Variants in DNER observed in about 807,000 individuals in gnomAD.
The protein encoded by DNER is delta and Notch-like epidermal growth factor-related receptor.
In DNER, 33 loss-of-function variants were observed where a neutral mutation model predicts 78.2. The ratio of observed to expected loss-of-function variants is 0.42; its 90% CI spans 0.32 to 0.56. DNER has a LOEUF of 0.56. Among genes scored for constraint, DNER ranks in the 20% least tolerant of loss-of-function variants. The pLI is 0.11. For missense variants in DNER, 918 were observed against 975.3 expected, an observed-to-expected ratio of 0.94 and a Z score of 0.78; for synonymous variants, 417 against 384.8, an observed-to-expected ratio of 1.08 and a Z score of -0.98.
chr2:229,413,466 G>C (rs1238426214), intron 9 of DNER, among the ~76,000 whole-genome samples: 1 of 151,202 alleles, frequency 6.6e-6, no homozygotes, highest in African/African-American at 2.4e-5. Context: ...GGGACTACAG[G>C]CATGTGCCAC....
chr2:229,508,168 C>T (rs1038963637), intron 6 of DNER, among the ~76,000 whole-genome samples: 2 of 152,142 alleles, frequency 1.3e-5, no homozygotes, highest in Non-Finnish European at 2.9e-5. Flanking sequence ...TCTGACACTA[C>T]CAAATGCTGA....
At chr2:229,437,595 C>G (rs919406520) in intron 8 of DNER, among the ~76,000 whole-genome samples, 2 of 152,182 alleles carry the variant, frequency 1.3e-5, no homozygotes, top group African/African-American at 4.8e-5. Flanking sequence ...CAATATATCT[C>G]AAACATCACC....
chr2:229,456,534 A>G (rs189793033), intron 7 of DNER, among the ~76,000 whole-genome samples: 3 of 151,958 alleles, frequency 2.0e-5, no homozygotes, highest in Admixed American at 2.0e-4. Context: ...CCATCTCTCC[A>G]CTTCCCATGG....
At chr2:229,692,853 T>C (rs1308340771) in intron 1 of DNER, among the ~76,000 whole-genome samples, 1 of 151,936 alleles carries the variant, frequency 6.6e-6, no homozygotes, top group South Asian at 2.1e-4. Flanking sequence ...GATGAGCAGA[T>C]AGCTGTTATA....
intron 1 of DNER, among the ~76,000 whole-genome samples, chr2:229,618,787 T>A (rs1474642787): frequency 3.3e-5 from 5 of 152,202 alleles, no homozygotes; most frequent in Admixed American, 1.3e-4. Flanking sequence ...TATTCCTCTT[T>A]TTAAATTTCC....
At chr2:229,668,478 AGG>A (rs1699137911) in intron 1 of DNER, among the ~76,000 whole-genome samples, 1 of 142,414 alleles carries the variant, frequency 7.0e-6, no homozygotes, top group Non-Finnish European at 1.5e-5. Flanking sequence ...ACATATATAT[AGG>A]TAAGTATATA....
intron 10 of DNER, among the ~76,000 whole-genome samples, chr2:229,400,604 G>C (rs534456499): frequency 6.6e-6 from 1 of 152,036 alleles, no homozygotes; most frequent in South Asian, 2.1e-4. Flanking sequence ...AGAGGTAATA[G>C]GAGCCAACTG....
At chr2:229,631,106 ATG>A (rs1482560674) in intron 1 of DNER, among the ~76,000 whole-genome samples, 2 of 152,278 alleles carry the variant, frequency 1.3e-5, no homozygotes, top group African/African-American at 4.8e-5. Flanking sequence ...ACATGAGTAT[ATG>A]TGTCTTTTTG....
At chr2:229,369,617 C>T (rs1452528358) in intron 11 of DNER, among the ~76,000 whole-genome samples, 1 of 152,118 alleles carries the variant, frequency 6.6e-6, no homozygotes, top group Non-Finnish European at 1.5e-5. Flanking sequence ...CCCTAAGGCA[C>T]ATGCTCTGAG....
intron 11 of DNER, among the ~76,000 whole-genome samples, chr2:229,376,622 T>C (rs1414893641): frequency 6.6e-6 from 1 of 152,162 alleles, no homozygotes; most frequent in Non-Finnish European, 1.5e-5. Flanking sequence ...TTAAAAAGTG[T>C]CGTAGATCTG....
chr2:229,423,382 AGGCAGGT>A (rs1693806635), intron 8 of DNER, among the ~76,000 whole-genome samples: 1 of 152,098 alleles, frequency 6.6e-6, no homozygotes, highest in Non-Finnish European at 1.5e-5. Flanking sequence ...TGGGAGGCTG[AGGCAGGT>A]GGATCACTTG....
chr2:229,594,884 C>T (rs1697677906), intron 1 of DNER, among the ~76,000 whole-genome samples: 1 of 143,666 alleles, frequency 7.0e-6, no homozygotes, highest in Admixed American at 7.2e-5. Context: ...AATGGTAATA[C>T]TCAAGGAACA....
rs566859091 is a variant in DNER at position 229,430,646 on chromosome 2, CTA to C, written c.1487-12418_1487-12417del. Among the ~76,000 whole-genome samples, 4 of 151,102 alleles carry C rather than the reference CTA, an allele frequency of 2.6e-5. No individual in the cohort carries two copies. In the South Asian group the frequency reaches 8.4e-4, roughly 32 times the overall value. ...CTTTGCTCCTCAGCCTGCAGATGGC[CTA>C]TTATGTGACCTTGTGATCGTGTGAC... On this transcript the variant is annotated intron_variant, in intron 8 of 12. Transcript: ENST00000341772.
intron 9 of DNER, among the ~76,000 whole-genome samples, chr2:229,417,595 G>T (rs895454994): frequency 1.3e-5 from 2 of 152,042 alleles, no homozygotes; most frequent in Admixed American, 6.5e-5. Flanking sequence ...GGGGGATTTA[G>T]TGAGCTATGC....
intron 1 of DNER, among the ~76,000 whole-genome samples, chr2:229,614,419 C>T (rs533870578): frequency 6.6e-6 from 1 of 152,274 alleles, no homozygotes; most frequent in African/African-American, 2.4e-5. Flanking sequence ...GTTCGTTTCT[C>T]AAGTCACCCA....
intron 7 of DNER, among the ~76,000 whole-genome samples, chr2:229,447,838 G>A (rs1694371778): frequency 6.6e-6 from 1 of 152,088 alleles, no homozygotes; most frequent in African/African-American, 2.4e-5. Context: ...GAACATGTGT[G>A]TATACTCTAG....
chr2:229,502,717 A>G (rs1018497009), intron 6 of DNER, among the ~76,000 whole-genome samples: 2 of 152,238 alleles, frequency 1.3e-5, no homozygotes, highest in East Asian at 1.9e-4. Context: ...TATACAGCCC[A>G]TAATGTCCAA....
At chr2:229,622,796 A>G (rs1040922205) in intron 1 of DNER, among the ~76,000 whole-genome samples, 13 of 152,212 alleles carry the variant, frequency 8.5e-5, no homozygotes. Flanking sequence ...TCCATGAGCC[A>G]AAGAATGCCA....
intron 7 of DNER, among the ~76,000 whole-genome samples, chr2:229,474,057 C>T (rs993949597): frequency 3.3e-5 from 5 of 152,114 alleles, no homozygotes; most frequent in East Asian, 1.9e-4. Context: ...AGGTGTGTGC[C>T]ACCACACCCG....
Sources: gnomAD v4.1 joint callset for allele counts (sites outside exome capture counted in the v4.1 genomes callset) on GRCh38, gnomAD v4.1.1 for gene constraint, MANE v1.5 for transcripts, NCBI Gene and HGNC (gene_info 2026-07-23, HGNC 2026-07-21) for gene names.